Variants in SCYL2 observed in about 807,000 individuals in gnomAD.
SCYL2 encodes the protein SCY1 like pseudokinase 2, also known as SCY1-like protein 2.
In SCYL2, 36 loss-of-function variants were observed where a neutral mutation model predicts 100.4. The ratio of observed to expected loss-of-function variants is 0.36; its 90% CI spans 0.27 to 0.47. The LOEUF (loss-of-function observed/expected upper bound fraction) is 0.47, where lower values mean the gene tolerates loss of function less well. SCYL2 is among the 20% of genes least tolerant of loss of function. The probability of loss-of-function intolerance (pLI) is 1.00; values close to 1 mark genes in which losing one functional copy is unlikely to be tolerated. For missense variants in SCYL2, 902 were observed against 1,083.9 expected, an observed-to-expected ratio of 0.83 and a Z score of 2.36; for synonymous variants, 330 against 359.2, an observed-to-expected ratio of 0.92 and a Z score of 0.92.
chr12:100,340,971 T>C lies in SCYL2; in HGVS notation c.*1799T>C, dbSNP rs1292390325. On this transcript the variant is annotated 3_prime_UTR_variant, in exon 18 of 18. Coordinates refer to ENST00000360820, the MANE Select transcript of SCYL2 (RefSeq NM_017988.6). Reference sequence around the variant, plus strand: ...TTGTAACAATTTAGTAGTCACTGTTTATTGAGAAATTGTTTTTTATTTTGT... The same window carrying C: ...TTGTAACAATTTAGTAGTCACTGTTCATTGAGAAATTGTTTTTTATTTTGT... 1 of 152,122 alleles carries C rather than the reference T, an allele frequency of 6.6e-6. No individual in the cohort carries two copies. Among genetic ancestry groups the C allele is most frequent in the Non-Finnish European group, 1.5e-5 (1 of 67,946 alleles). 9.4% of individuals were successfully genotyped at this position (152,122 alleles called of 1,614,324 possible). A position where few individuals can be genotyped will look rare whatever the true frequency, so the allele number is the denominator to read the frequency against.
chr12:100,290,775 A>G (rs902186395), intron 2 of SCYL2, among the ~76,000 whole-genome samples: 21 of 152,194 alleles, frequency 1.4e-4, no homozygotes, highest in African/African-American at 5.1e-4. Flanking sequence ...AACACACATC[A>G]GTAATTTAAC....
intron 1 of SCYL2, 150 bp from the exon 2 acceptor site, chr12:100,282,793 T>C (rs1223811573): frequency 7.5e-6 from 3 of 398,836 alleles, no homozygotes; most frequent in Non-Finnish European, 1.3e-5. Context: ...TATTGGGTTC[T>C]CTGAAGATAA....
intron 5 of SCYL2, 124 bp downstream of exon 5, chr12:100,311,317 A>G (rs2096341927): frequency 1.2e-6 from 1 of 852,658 alleles, no homozygotes. Context: ...TAGAAAATTT[A>G]TAGTGTTCAT....
At chr12:100,338,412 G>A (rs926966718) in intron 17 of SCYL2, 116 bp from the exon 18 acceptor site, 2 of 882,166 alleles carry the variant, frequency 2.3e-6, no homozygotes, top group African/African-American at 3.4e-5. Context: ...CTAATTTGGT[G>A]TAGACCATTG....
chr12:100,323,674 C>T, intron 11 of SCYL2, 36 bp downstream of exon 11: 2 of 1,098,990 alleles, frequency 1.8e-6, no homozygotes, highest in South Asian at 2.7e-5. Context: ...TTTTTCTTTT[C>T]ACTTGTCAGT....
chr12:100,317,630 C>T (rs2135910848), intron 9 of SCYL2, 173 bp from the exon 10 acceptor site: 1 of 1,387,492 alleles, frequency 7.2e-7, no homozygotes, highest in East Asian at 2.7e-5. Context: ...TATTGTGCCT[C>T]CAGAAATGTA....
intron 1 of SCYL2, among the ~76,000 whole-genome samples, chr12:100,280,594 C>T (rs1052277889): frequency 6.6e-6 from 1 of 152,056 alleles, no homozygotes; most frequent in Admixed American, 6.5e-5. Flanking sequence ...TTTAATTTAC[C>T]AAAGGAGAAA....
intron 2 of SCYL2, among the ~76,000 whole-genome samples, chr12:100,285,982 A>G (rs80228677): frequency 9.9e-4 from 151 of 152,204 alleles, no homozygotes; most frequent in African/African-American, 3.6e-3. Flanking sequence ...TTTACCGTAT[A>G]CATACATACA....
At position 100,338,673 on chromosome 12, in the gene SCYL2, A is replaced by G. The variant is rs751761599; in HGVS notation, c.2291A>G (p.Asn764Ser). 1.9e-6 allele frequency: 3 copies of G among 1,614,072 alleles called. No individual in the cohort carries two copies. Among genetic ancestry groups the G allele is most frequent in the Non-Finnish European group, 2.5e-6 (3 of 1,179,990 alleles). Reference protein sequence around the residue: ...IGMMFSTPTDNTKRNLTNGLN... With the variant: ...IGMMFSTPTDSTKRNLTNGLN... ...ATGATGTTTTCTACACCAACTGATA[A>G]TACAAAGAGAAATTTGACAAATGGC... is the stretch of plus-strand genomic sequence containing the variant. The change falls in exon 18 of 18, where the codon AAT becomes AGT. Residue 764 changes from asparagine (N) to serine (S), a missense_variant. Coordinates refer to ENST00000360820, the MANE Select transcript of SCYL2 (RefSeq NM_017988.6).
chr12:100,281,870 T>C (rs1407289310), intron 1 of SCYL2, among the ~76,000 whole-genome samples: 1 of 151,916 alleles, frequency 6.6e-6, no homozygotes, highest in Non-Finnish European at 1.5e-5. Context: ...AATTTATTGC[T>C]TAGTAAAGTG....
intron 3 of SCYL2, chr12:100,292,093 T>C (rs1408334010): frequency 6.5e-6 from 1 of 153,400 alleles, no homozygotes; most frequent in East Asian, 1.9e-4. Context: ...AGCATGCCAG[T>C]CCATAGCTCT....
chr12:100,306,085 C>T (rs974285558), intron 4 of SCYL2, among the ~76,000 whole-genome samples: 1 of 152,026 alleles, frequency 6.6e-6, no homozygotes, highest in Non-Finnish European at 1.5e-5. Flanking sequence ...GTAGAAGGAA[C>T]TGGTACCATT....
At chr12:100,277,221 A>T (rs1458368819) in intron 1 of SCYL2, among the ~76,000 whole-genome samples, 2 of 152,238 alleles carry the variant, frequency 1.3e-5, no homozygotes, top group East Asian at 1.9e-4. Context: ...TGAATGTTAC[A>T]TGTCTGCATG....
At chr12:100,308,787 T>C (rs1319256418) in intron 4 of SCYL2, among the ~76,000 whole-genome samples, 1 of 152,128 alleles carries the variant, frequency 6.6e-6, no homozygotes, top group East Asian at 1.9e-4. Flanking sequence ...TGATGGGTGA[T>C]TCCCATCTGG....
In SCYL2 at chr12:100,341,008, ATGT is replaced by A. The variant is rs1952346113; in HGVS notation, c.*1838_*1840del. Reference sequence around the variant, plus strand: ...GTTTTTTATTTTGTAAAATAACATGATGTTAGTGTTGAACTCTTAAACAGAAAG... The same window carrying A: ...GTTTTTTATTTTGTAAAATAACATGATAGTGTTGAACTCTTAAACAGAAAG... On this transcript the variant is annotated 3_prime_UTR_variant, in exon 18 of 18. Coordinates refer to ENST00000360820, the MANE Select transcript of SCYL2 (RefSeq NM_017988.6). 6.6e-6 allele frequency: 1 copy of A among 152,066 alleles called. No homozygotes were observed. The highest frequency in any genetic ancestry group is 1.5e-5 in the Non-Finnish European group (1 of 67,930). 9.4% of individuals were successfully genotyped at this position (152,066 alleles called of 1,614,324 possible).
At chr12:100,287,316 T>C (rs1392065178) in intron 2 of SCYL2, among the ~76,000 whole-genome samples, 1 of 152,124 alleles carries the variant, frequency 6.6e-6, no homozygotes, top group Non-Finnish European at 1.5e-5. Context: ...GAGGGGGTCT[T>C]AATATGTTGC....
rs188555703 is a variant in SCYL2 at position 100,333,383 on chromosome 12, T to A, written c.1762-783T>A. On this transcript the variant is annotated intron_variant, in intron 13 of 17. Transcript: ENST00000360820. ...TCTCATTGAGCCTGAGTTTCCTCAT[T>A]TGTAGATTAGAAATATTAATGAACC... Among the ~76,000 whole-genome samples, 85 of 152,294 alleles carry A rather than the reference T, an allele frequency of 5.6e-4. 2 individuals carry two copies. The highest frequency in any genetic ancestry group is 2.0e-3 in the African/African-American group (82 of 41,570).
chr12:100,289,256 T>C (rs1592935966), intron 2 of SCYL2, among the ~76,000 whole-genome samples: 1 of 152,232 alleles, frequency 6.6e-6, no homozygotes, highest in African/African-American at 2.4e-5. Context: ...GATTTCTTTC[T>C]TGAAGACATG....
intron 2 of SCYL2, among the ~76,000 whole-genome samples, chr12:100,286,948 A>C (rs570008480): frequency 4.6e-5 from 7 of 152,260 alleles, no homozygotes; most frequent in South Asian, 2.1e-4. Context: ...ACTTATTTTT[A>C]ACTTAATATA....
Sources: gnomAD v4.1 joint callset for allele counts (sites outside exome capture counted in the v4.1 genomes callset) on GRCh38, gnomAD v4.1.1 for gene constraint, MANE v1.5 for transcripts, NCBI Gene and HGNC (gene_info 2026-07-23, HGNC 2026-07-21) for gene names.